LRRC4C: variants seen among roughly 807,000 people sequenced by gnomAD.
LRRC4C encodes leucine-rich repeat-containing protein 4C.
A neutral mutation model predicts 33.6 loss-of-function variants in LRRC4C; 5 were observed. The observed-to-expected ratio is 0.15, with a 90% CI of 0.08 to 0.31. The LOEUF is 0.31. LRRC4C is among the 10% of genes least tolerant of loss of function. The pLI is 1.00. For synonymous variants in LRRC4C, 329 were observed against 302.0 expected, an observed-to-expected ratio of 1.09 and a Z score of -0.93; for missense variants, 560 against 796.7, an observed-to-expected ratio of 0.70 and a Z score of 3.58.
At chr11:41,049,719 A>T (rs1858058599) in intron 1 of LRRC4C, among the ~76,000 whole-genome samples, 1 of 152,230 alleles carries the variant, frequency 6.6e-6, no homozygotes, top group South Asian at 2.1e-4. Flanking sequence ...TAGGGAAATG[A>T]TTCCATCTGG....
intron 3 of LRRC4C, among the ~76,000 whole-genome samples, chr11:40,422,065 A>T (rs1950541584): frequency 6.6e-6 from 1 of 152,258 alleles, no homozygotes; most frequent in South Asian, 2.1e-4. Flanking sequence ...GTTAATGCTA[A>T]TTCACTTTCA....
intron 1 of LRRC4C, among the ~76,000 whole-genome samples, chr11:41,009,287 G>A (rs1181336180): frequency 6.6e-6 from 1 of 151,742 alleles, no homozygotes; most frequent in African/African-American, 2.4e-5. Context: ...AAAACAATGT[G>A]TGTAAATTTT....
At chr11:40,306,540 T>A (rs1050890557) in intron 4 of LRRC4C, among the ~76,000 whole-genome samples, 10 of 152,198 alleles carry the variant, frequency 6.6e-5, no homozygotes, top group Admixed American at 3.9e-4. Flanking sequence ...ACACTCTACC[T>A]GCTTTCACTC....
chr11:41,316,762 A>C (rs2137234791), intron 1 of LRRC4C, among the ~76,000 whole-genome samples: 1 of 152,332 alleles, frequency 6.6e-6, no homozygotes, highest in East Asian at 1.9e-4. Flanking sequence ...TTACTTTAAT[A>C]CTTGACAGGT....
chr11:40,892,002 G>T (rs1265889855), intron 2 of LRRC4C, among the ~76,000 whole-genome samples: 3 of 151,942 alleles, frequency 2.0e-5, no homozygotes, highest in Non-Finnish European at 4.4e-5. Flanking sequence ...GGGCGTGGTG[G>T]TGGGCACCTG....
At chr11:41,412,869 C>T in intron 1 of LRRC4C, among the ~76,000 whole-genome samples, 1 of 152,158 alleles carries the variant, frequency 6.6e-6, no homozygotes, top group Non-Finnish European at 1.5e-5. Context: ...TGAGATTCTG[C>T]TCAGATCTGC....
intron 3 of LRRC4C, among the ~76,000 whole-genome samples, chr11:40,600,083 C>T (rs367946814): frequency 1.3e-5 from 2 of 152,252 alleles, no homozygotes; most frequent in South Asian, 4.1e-4. Flanking sequence ...TGAGCTCTAA[C>T]TCTGTGCATA....
chr11:40,863,056 T>C (rs1954180761), intron 2 of LRRC4C, among the ~76,000 whole-genome samples: 1 of 152,190 alleles, frequency 6.6e-6, no homozygotes, highest in Non-Finnish European at 1.5e-5. Context: ...CTGAAGGTTA[T>C]CATCACAGTG....
At chr11:40,159,874 T>G (rs1859014025) in intron 5 of LRRC4C, among the ~76,000 whole-genome samples, 1 of 152,232 alleles carries the variant, frequency 6.6e-6, no homozygotes, top group Admixed American at 6.5e-5. Flanking sequence ...ACTATATAAC[T>G]TGTTCATTAT....
At chr11:40,132,754 C>T (rs868352121) in intron 6 of LRRC4C, among the ~76,000 whole-genome samples, 2 of 151,956 alleles carry the variant, frequency 1.3e-5, no homozygotes, top group Non-Finnish European at 2.9e-5. Flanking sequence ...GATCCTCCCT[C>T]AATAAACAAA....
chr11:40,625,490 C>T (rs939458626), intron 3 of LRRC4C, among the ~76,000 whole-genome samples: 23 of 152,080 alleles, frequency 1.5e-4, no homozygotes, highest in South Asian at 4.1e-4. Flanking sequence ...TTCACTATCA[C>T]GAGAACAGCA....
intron 1 of LRRC4C, among the ~76,000 whole-genome samples, chr11:41,197,672 T>C (rs536832464): frequency 9.9e-5 from 15 of 152,180 alleles, no homozygotes; most frequent in African/African-American, 2.9e-4. Flanking sequence ...TTTTCCCTAA[T>C]AGGTGATGAA....
chr11:40,761,185 C>A (rs940929885), intron 2 of LRRC4C, among the ~76,000 whole-genome samples: 1 of 152,116 alleles, frequency 6.6e-6, no homozygotes, highest in East Asian at 1.9e-4. Context: ...TCCAAGAAAC[C>A]TTGCTTTGAA....
At chr11:40,278,088 A>C (rs1943239612) in intron 4 of LRRC4C, among the ~76,000 whole-genome samples, 1 of 152,176 alleles carries the variant, frequency 6.6e-6, no homozygotes, top group South Asian at 2.1e-4. Flanking sequence ...AGTAAGAATT[A>C]AGTAAGTACA....
intron 1 of LRRC4C, among the ~76,000 whole-genome samples, chr11:40,988,713 C>CCTTT (rs1203305681): frequency 3.5e-5 from 2 of 57,750 alleles, no homozygotes; most frequent in Admixed American, 2.1e-4. Flanking sequence ...CTTTTCTTTT[C>CCTTT]TTTTTTTTTT....
chr11:40,609,242 AAGT>A (rs1202939487), intron 3 of LRRC4C, among the ~76,000 whole-genome samples: 1 of 152,262 alleles, frequency 6.6e-6, no homozygotes, highest in Middle Eastern at 3.4e-3. Context: ...AAGGGAATAA[AAGT>A]AGAAATCAAC....
intron 3 of LRRC4C, among the ~76,000 whole-genome samples, chr11:40,644,846 C>T (rs148076751): frequency 9.9e-5 from 15 of 152,042 alleles, no homozygotes; most frequent in African/African-American, 3.6e-4. Context: ...TGTATTTTGA[C>T]CGTAGTAATA....
chr11:40,118,183 T>G (rs990361262), intron 6 of LRRC4C, among the ~76,000 whole-genome samples: 1 of 148,186 alleles, frequency 6.7e-6, no homozygotes, highest in African/African-American at 2.4e-5. Context: ...AATAATGTAA[T>G]ATTAAAAATA....
intron 2 of LRRC4C, among the ~76,000 whole-genome samples, chr11:40,900,264 G>A (rs908262751): frequency 3.9e-5 from 6 of 152,208 alleles, no homozygotes; most frequent in African/African-American, 1.4e-4. Flanking sequence ...ACCTTCAGGT[G>A]GGTTTGTGTG....
Sources: allele counts gnomAD v4.1 joint callset (sites outside exome capture counted in the v4.1 genomes callset), GRCh38; gene constraint gnomAD v4.1.1; transcripts MANE v1.5; gene names NCBI Gene and HGNC (gene_info 2026-07-23, HGNC 2026-07-21).